NPAS3: variants seen among roughly 807,000 people sequenced by gnomAD.
The protein encoded by NPAS3 is neuronal PAS domain protein 3, also known as neuronal PAS domain-containing protein 3.
Under a neutral mutation model 73.1 loss-of-function variants are expected in NPAS3, and 14 were observed. That is an observed-to-expected ratio of 0.19 (90% CI 0.13 to 0.30). NPAS3 has a LOEUF of 0.30. Ranked by LOEUF, NPAS3 falls within the 10% of genes least tolerant of loss-of-function variation. NPAS3 has a pLI of 1.00. For missense variants in NPAS3, 1,096 were observed against 1,250.0 expected (o/e 0.88, Z 1.86); for synonymous variants, 620 against 541.5 (o/e 1.14, Z -2.01).
chr14:33,585,078 G>A (rs968222368), intron 5 of NPAS3, among the ~76,000 whole-genome samples: 6 of 147,734 alleles, frequency 4.1e-5, no homozygotes, highest in Non-Finnish European at 5.9e-5. Flanking sequence ...CTTTTTTTTC[G>A]CTTGGCTAAT....
intron 6 of NPAS3, among the ~76,000 whole-genome samples, chr14:33,682,667 C>T (rs2059972395): frequency 6.6e-6 from 1 of 152,206 alleles, no homozygotes; most frequent in South Asian, 2.1e-4. Context: ...CCTGGAACTG[C>T]CACAGAAGGG....
At chr14:33,114,176 C>T (rs1430499280) in intron 2 of NPAS3, among the ~76,000 whole-genome samples, 2 of 152,064 alleles carry the variant, frequency 1.3e-5, no homozygotes, top group African/African-American at 4.8e-5. Context: ...ACTGGGATTA[C>T]AGGCTGGTGC....
intron 1 of NPAS3, among the ~76,000 whole-genome samples, chr14:33,044,653 T>TG (rs2040444901): frequency 7.1e-6 from 1 of 141,754 alleles, no homozygotes; most frequent in African/African-American, 2.5e-5. Context: ...TGAGTTAGTT[T>TG]GTTTTTTTTT....
intron 3 of NPAS3, among the ~76,000 whole-genome samples, chr14:33,321,466 C>A (rs2140238074): frequency 6.6e-6 from 1 of 151,958 alleles, no homozygotes; most frequent in Non-Finnish European, 1.5e-5. Flanking sequence ...AAGAGTAGAA[C>A]AATGTGGCCC....
chr14:33,177,903 C>T (rs1233455895), intron 2 of NPAS3, among the ~76,000 whole-genome samples: 1 of 152,014 alleles, frequency 6.6e-6, no homozygotes, highest in East Asian at 1.9e-4. Flanking sequence ...GATGATTGTA[C>T]CTTTGGTGTA....
chr14:33,347,826 G>A (rs1213894051), intron 3 of NPAS3, among the ~76,000 whole-genome samples: 4 of 151,794 alleles, frequency 2.6e-5, no homozygotes, highest in African/African-American at 4.8e-5. Context: ...CTCAGGGAAC[G>A]ATGACAAGGA....
upstream of NPAS3, chr14:32,934,917 G>T: frequency 9.7e-7 from 1 of 1,035,390 alleles, no homozygotes; most frequent in Non-Finnish European, 1.2e-6. The surrounding 1 kb of genome is among the most constrained non-coding windows in gnomAD (Gnocchi z 4.1). Context: ...CCGCGGGGGT[G>T]CCGGCCGGCG....
intron 3 of NPAS3, among the ~76,000 whole-genome samples, chr14:33,222,345 T>C (rs1258166401): frequency 6.6e-6 from 1 of 152,358 alleles, no homozygotes; most frequent in South Asian, 2.1e-4. Context: ...AATATCTTTT[T>C]ACGCCCTTCC....
chr14:33,248,318 G>C (rs562765084), intron 3 of NPAS3, among the ~76,000 whole-genome samples: 29 of 152,258 alleles, frequency 1.9e-4, no homozygotes, highest in African/African-American at 6.7e-4. Flanking sequence ...ATTCTTACCG[G>C]TATGTTAAAC....
intron 2 of NPAS3, among the ~76,000 whole-genome samples, chr14:33,071,071 G>T (rs573877984): frequency 6.6e-6 from 1 of 152,042 alleles, no homozygotes; most frequent in Non-Finnish European, 1.5e-5. Flanking sequence ...CTACCTATGG[G>T]TACAACTTAC....
At chr14:33,264,445 G>T (rs994955483) in intron 3 of NPAS3, among the ~76,000 whole-genome samples, 2 of 152,006 alleles carry the variant, frequency 1.3e-5, no homozygotes, top group African/African-American at 4.8e-5. Context: ...AAAAGTAACT[G>T]ATTTGAGAAT....
intron 1 of NPAS3, among the ~76,000 whole-genome samples, chr14:32,955,707 A>G (rs2036646709): frequency 6.6e-6 from 1 of 152,140 alleles, no homozygotes; most frequent in Non-Finnish European, 1.5e-5. Flanking sequence ...GAGTTAGAAA[A>G]TGAAGGAATA....
intron 5 of NPAS3, among the ~76,000 whole-genome samples, chr14:33,617,337 G>T (rs1034261747): frequency 6.6e-6 from 1 of 152,076 alleles, no homozygotes; most frequent in African/African-American, 2.4e-5. Context: ...AATTAGCAAG[G>T]TACAAGAGCA....
At chr14:33,693,559 C>A (rs2060292031) in intron 6 of NPAS3, among the ~76,000 whole-genome samples, 1 of 152,130 alleles carries the variant, frequency 6.6e-6, no homozygotes, top group Non-Finnish European at 1.5e-5. Context: ...AGTTGACCAG[C>A]CATTTCTATC....
chr14:33,767,617 G>C (rs117178242), intron 7 of NPAS3, among the ~76,000 whole-genome samples: 6,186 of 67,024 alleles, frequency 0.092, 177 homozygotes, highest in Non-Finnish European at 0.13. Context: ...TTTTTTTTTC[G>C]TACCTGAAGC....
At chr14:33,596,272 C>A (rs915626644) in intron 5 of NPAS3, among the ~76,000 whole-genome samples, 3 of 152,200 alleles carry the variant, frequency 2.0e-5, no homozygotes, top group African/African-American at 7.2e-5. Context: ...GACACATTTA[C>A]TATAAATATA....
At chr14:32,963,243 C>T (rs533043636) in intron 1 of NPAS3, among the ~76,000 whole-genome samples, 1 of 152,182 alleles carries the variant, frequency 6.6e-6, no homozygotes, top group South Asian at 2.1e-4. Flanking sequence ...CTGTAATAGG[C>T]CCCATATTAG....
chr14:33,252,044 CGTGT>C (rs1291923967), intron 3 of NPAS3, among the ~76,000 whole-genome samples: 4 of 107,064 alleles, frequency 3.7e-5, no homozygotes, highest in African/African-American at 1.1e-4. Context: ...TGGGTGTTTG[CGTGT>C]GTGTGTGTCT....
intron 4 of NPAS3, among the ~76,000 whole-genome samples, chr14:33,410,136 T>A (rs17101036): frequency 0.2 from 29,835 of 152,094 alleles, 3,123 homozygotes; most frequent in Admixed American, 0.28. Flanking sequence ...GCTGCGTAGG[T>A]CCAAGGAATT....
Sources: gnomAD v4.1 joint callset for allele counts (sites outside exome capture counted in the v4.1 genomes callset) on GRCh38, gnomAD v4.1.1 for gene constraint, Gnocchi (gnomAD v3.1) non-coding constraint, MANE v1.5 for transcripts, NCBI Gene and HGNC (gene_info 2026-07-23, HGNC 2026-07-21) for gene names.